Variants in PCID2 observed in about 807,000 individuals in gnomAD.
PCID2 encodes the protein PCI domain-containing protein 2.
PCID2 carries 41 observed loss-of-function variants against 61.3 expected under a neutral mutation model. The observed-to-expected ratio is 0.67, with a 90% confidence interval of 0.52 to 0.87. The LOEUF is 0.87. Among genes scored for constraint, PCID2 ranks in the 40% least tolerant of loss-of-function variants. The pLI is 0.00. For missense variants in PCID2, 392 were observed against 493.4 expected (o/e 0.79, Z 1.95); for synonymous variants, 187 against 177.8 (o/e 1.05, Z -0.41).
chr13:113,208,246 C>G lies in PCID2; in HGVS notation c.36+353G>C. 2.1e-6 allele frequency: 3 copies of G among 1,448,224 alleles called. No individual in the cohort carries two copies. The East Asian group carries it at 7.4e-5, about 36-fold the overall frequency. 89.7% of individuals were successfully genotyped at this position (1,448,224 alleles called of 1,614,324 possible). Reference sequence around the variant, plus strand: ...CGTCCATCCGACACAGCACCGCCCACAGCGGGCCCTCGGCGTGGCCCGCAG... The same window carrying G: ...CGTCCATCCGACACAGCACCGCCCAGAGCGGGCCCTCGGCGTGGCCCGCAG... On this transcript the variant is annotated intron_variant, in intron 1 of 13. Coordinates refer to ENST00000337344, the MANE Select transcript of PCID2 (RefSeq NM_001127202.4).
chr13:113,205,202 A>G (rs1566989103), intron 1 of PCID2, among the ~76,000 whole-genome samples: 1 of 152,246 alleles, frequency 6.6e-6, no homozygotes, highest in Non-Finnish European at 1.5e-5. Context: ...TCTAACTCAA[A>G]GCTGATTCCC....
chr13:113,206,872 C>T lies in PCID2; in HGVS notation c.36+1727G>A, dbSNP rs184866955. ...GCCCAGCCCCTGTCTACTCTCTCTA[C>T]TTGTTCCCTGGGTCACCCCTTCCCT... On this transcript the variant is annotated intron_variant, in intron 1 of 13. Transcript: ENST00000337344. Among the ~76,000 whole-genome samples, 6 of 152,364 alleles carry T rather than the reference C, an allele frequency of 3.9e-5. No homozygotes were observed. In the East Asian group the frequency reaches 9.6e-4, roughly 25 times the overall value.
chr13:113,182,211 C>T (rs1595160547), intron 9 of PCID2, among the ~76,000 whole-genome samples: 1 of 152,170 alleles, frequency 6.6e-6, no homozygotes, highest in Non-Finnish European at 1.5e-5. Flanking sequence ...GGAACCCACA[C>T]TGAGACCACA....
intron 8 of PCID2, among the ~76,000 whole-genome samples, chr13:113,185,137 A>T (rs889383118): frequency 3.3e-5 from 5 of 152,200 alleles, no homozygotes; most frequent in Admixed American, 2.6e-4. Context: ...TCCATAGTTA[A>T]TTATGACCAC....
chr13:113,184,635 C>T, intron 8 of PCID2, 148 bp from the exon 9 acceptor site: 1 of 606,010 alleles, frequency 1.7e-6, no homozygotes, highest in South Asian at 2.1e-5. Flanking sequence ...AAACAGAGAG[C>T]AGCCAGCATA....
the PCID2 span, chr13:113,165,043 G>A: frequency 1.1e-5 from 17 of 1,613,062 alleles, no homozygotes; most frequent in East Asian, 8.9e-5. Context: ...TGTTGCTGCC[G>A]CAAATGCAGA....
downstream of PCID2, among the ~76,000 whole-genome samples, chr13:113,177,086 ACT>A (rs2037204317): frequency 6.6e-6 from 1 of 151,612 alleles, no homozygotes; most frequent in African/African-American, 2.4e-5. Context: ...TTCAGTTTCC[ACT>A]CTCAGTGTAG....
downstream of PCID2, among the ~76,000 whole-genome samples, chr13:113,177,342 G>C (rs538796729): frequency 6.6e-6 from 1 of 152,038 alleles, no homozygotes; most frequent in Non-Finnish European, 1.5e-5. Context: ...TCTCCATGTT[G>C]GTCAGGCTGG....
the PCID2 span, among the ~76,000 whole-genome samples, chr13:113,167,202 G>A: frequency 2.0e-5 from 3 of 152,272 alleles, no homozygotes; most frequent in African/African-American, 7.2e-5. Context: ...GACTGATGGC[G>A]CAAGTGCCGT....
chr13:113,168,371 G>A, the PCID2 span, among the ~76,000 whole-genome samples: 6 of 152,252 alleles, frequency 3.9e-5, no homozygotes, highest in South Asian at 2.1e-4. Context: ...GCCTTCTTGC[G>A]TTTGTCTGGA....
At chr13:113,192,356 G>A (rs1170722637) in intron 6 of PCID2, among the ~76,000 whole-genome samples, 1 of 152,324 alleles carries the variant, frequency 6.6e-6, no homozygotes, top group African/African-American at 2.4e-5. Flanking sequence ...GAAATGAGAA[G>A]CATACAGCAC....
intron 1 of PCID2, chr13:113,208,010 C>T (rs763637301): frequency 1.9e-6 from 3 of 1,609,114 alleles, no homozygotes; most frequent in African/African-American, 1.3e-5. Flanking sequence ...TTTAACTGTG[C>T]TTCTGCTACT....
chr13:113,169,776 C>A, the PCID2 span, among the ~76,000 whole-genome samples: 2 of 152,172 alleles, frequency 1.3e-5, no homozygotes, highest in Non-Finnish European at 2.9e-5. Flanking sequence ...GCACAGGTCC[C>A]TCTCACACTC....
rs528695390 is a variant in PCID2, at chr13:113,183,798, A to C, written c.685+548T>G. ...CTTGAGAAAGTTACCAACGTAAACT[A>C]ATACAATAGTGTCAGGTGTGGCAGC... On this transcript the variant is annotated intron_variant, in intron 9 of 13. Transcript: ENST00000337344. The C allele has an allele frequency of 1.0e-5, 10 of 985,018 alleles. No individual in the cohort carries two copies. The South Asian group carries it at 4.2e-4, about 42-fold the overall frequency. The allele number at this position is 985,018 out of a possible 1,614,324, so 61.0% of individuals were successfully genotyped here. A position where few individuals can be genotyped will look rare whatever the true frequency, so the allele number is the denominator to read the frequency against.
At chr13:113,180,375 A>C in intron 10 of PCID2, 144 bp from the exon 11 acceptor site, 1 of 648,844 alleles carries the variant, frequency 1.5e-6, no homozygotes, top group South Asian at 1.8e-5. Context: ...ATCATAGTAC[A>C]CTAGGAAAAC....
chr13:113,194,402 T>G (rs141726993), intron 6 of PCID2, among the ~76,000 whole-genome samples: 198 of 152,162 alleles, frequency 1.3e-3, no homozygotes, highest in African/African-American at 4.4e-3. Context: ...ACCTGGAGAC[T>G]CCCTACACGT....
chr13:113,188,632 G>A (rs2038335843), intron 7 of PCID2: 2 of 152,242 alleles, frequency 1.3e-5, no homozygotes, highest in Non-Finnish European at 1.5e-5. Flanking sequence ...TCAGCTCCCA[G>A]AAGTTCACCG....
the PCID2 span, chr13:113,171,620 C>T: frequency 1.2e-6 from 2 of 1,614,164 alleles, no homozygotes; most frequent in Non-Finnish European, 1.7e-6. The surrounding 1 kb of genome is among the most constrained non-coding windows in gnomAD (Gnocchi z 5.1). Context: ...CCAAGACCCG[C>T]TGATGATCAA....
chr13:113,172,522 A>T, the PCID2 span: 1 of 296,112 alleles, frequency 3.4e-6, no homozygotes, highest in Non-Finnish European at 6.6e-6. Context: ...GCAGAAAGTG[A>T]CCTCCTCTGT....
Sources: gnomAD v4.1 joint callset for allele counts (sites outside exome capture counted in the v4.1 genomes callset) on GRCh38, gnomAD v4.1.1 for gene constraint, Gnocchi (gnomAD v3.1) non-coding constraint, MANE v1.5 for transcripts, NCBI Gene and HGNC (gene_info 2026-07-23, HGNC 2026-07-21) for gene names.